The following GPHN variants were observed in gnomAD, a reference collection of about 807,000 sequenced individuals.
GPHN encodes gephyrin.
GPHN carries 17 observed loss-of-function variants against 95.5 expected under a neutral mutation model. That is an observed-to-expected ratio of 0.18 (90% CI 0.12 to 0.27). GPHN has a LOEUF of 0.27. Ranked by LOEUF, GPHN falls within the 10% of genes least tolerant of loss-of-function variation. The probability of loss-of-function intolerance (pLI) is 1.00; values close to 1 mark genes in which losing one functional copy is unlikely to be tolerated. For synonymous variants in GPHN, 320 were observed against 322.5 expected (o/e 0.99, Z 0.08); for missense variants, 660 against 978.1 (o/e 0.67, Z 4.34).
chr14:66,595,863 G>A (rs186614102), intron 1 of GPHN, among the ~76,000 whole-genome samples: 45 of 152,276 alleles, frequency 3.0e-4, no homozygotes, highest in Admixed American at 1.0e-3. Flanking sequence ...TCTTTCAGTC[G>A]TGCCGTTCCG....
the GPHN span, chr14:67,201,414 G>A: frequency 6.6e-6 from 3 of 454,272 alleles, no homozygotes; most frequent in African/African-American, 2.0e-5. Context: ...CTCTCTTTTT[G>A]CTCTGTCACC....
At chr14:67,301,537 C>A in the GPHN span, 1 of 1,049,646 alleles carries the variant, frequency 9.5e-7, no homozygotes, top group Non-Finnish European at 1.4e-6. Flanking sequence ...TCAAAGACTC[C>A]AGTACTGGAA....
At chr14:66,840,672 C>A (rs1038494181) in intron 4 of GPHN, among the ~76,000 whole-genome samples, 9 of 139,600 alleles carry the variant, frequency 6.4e-5, no homozygotes, top group Non-Finnish European at 9.1e-5. Context: ...AAATATTATT[C>A]TTCTTTTGAT....
intron 10 of GPHN, among the ~76,000 whole-genome samples, chr14:67,045,763 C>G (rs2074986818): frequency 1.3e-5 from 2 of 151,640 alleles, no homozygotes; most frequent in African/African-American, 2.4e-5. Context: ...CTCTGTCTCT[C>G]TTTCTCTGTC....
chr14:66,709,386 G>A (rs2069396586), intron 2 of GPHN: 1 of 455,936 alleles, frequency 2.2e-6, no homozygotes, highest in Non-Finnish European at 4.4e-6. Flanking sequence ...CCAGTGAATG[G>A]CTGAAACCAC....
chr14:66,581,238 A>AC (rs2140463672), intron 1 of GPHN, among the ~76,000 whole-genome samples: 1 of 151,868 alleles, frequency 6.6e-6, no homozygotes, highest in East Asian at 1.9e-4. Flanking sequence ...TAAAAAAAAA[A>AC]AAAAGATGTA....
chr14:66,814,585 C>A (rs1364651406), intron 3 of GPHN, among the ~76,000 whole-genome samples: 1 of 152,146 alleles, frequency 6.6e-6, no homozygotes, highest in Non-Finnish European at 1.5e-5. Flanking sequence ...TTGGATTCTT[C>A]CAGTCAGCTG....
the GPHN span, among the ~76,000 whole-genome samples, chr14:67,414,768 T>G: frequency 3.3e-5 from 5 of 152,256 alleles, no homozygotes; most frequent in Non-Finnish European, 7.3e-5. Flanking sequence ...TCATGGAAAC[T>G]TATTCACAAT....
At chr14:67,695,904 T>A in the GPHN span, 1 of 589,170 alleles carries the variant, frequency 1.7e-6, no homozygotes, top group African/African-American at 1.9e-5. Context: ...GAATTATACA[T>A]CGCTAATCCC....
intron 2 of GPHN, among the ~76,000 whole-genome samples, chr14:66,759,779 G>T (rs1261483265): frequency 3.3e-5 from 5 of 152,070 alleles, no homozygotes; most frequent in Non-Finnish European, 7.4e-5. Context: ...GTTGTTAGCT[G>T]GTTGTTTTGT....
At chr14:66,893,715 A>G (rs2064656588) in intron 5 of GPHN, among the ~76,000 whole-genome samples, 1 of 151,982 alleles carries the variant, frequency 6.6e-6, no homozygotes, top group African/African-American at 2.4e-5. Flanking sequence ...CTTATACACC[A>G]ATAACAGACA....
the GPHN span, among the ~76,000 whole-genome samples, chr14:67,191,053 G>A: frequency 1.3e-5 from 2 of 152,134 alleles, no homozygotes; most frequent in Non-Finnish European, 2.9e-5. Context: ...GGCCAACATG[G>A]CAAAACTTTG....
intron 5 of GPHN, among the ~76,000 whole-genome samples, chr14:66,912,188 G>C (rs1376486135): frequency 2.0e-5 from 3 of 151,956 alleles, no homozygotes; most frequent in Non-Finnish European, 4.4e-5. Flanking sequence ...ACCCACACTT[G>C]TTGTTGTTTT....
the GPHN span, among the ~76,000 whole-genome samples, chr14:67,362,358 A>C: frequency 6.6e-6 from 1 of 152,102 alleles, no homozygotes; most frequent in Non-Finnish European, 1.5e-5. Context: ...AGTGCTTAGT[A>C]CATAGTAGCT....
chr14:67,464,693 AC>A, the GPHN span, among the ~76,000 whole-genome samples: 2 of 152,158 alleles, frequency 1.3e-5, no homozygotes, highest in Non-Finnish European at 2.9e-5. Context: ...CTTCTGGCAG[AC>A]CTTTTGGGGC....
chr14:67,497,314 C>G, the GPHN span, among the ~76,000 whole-genome samples: 2 of 152,074 alleles, frequency 1.3e-5, no homozygotes, highest in African/African-American at 4.8e-5. Context: ...GACCCAGGCA[C>G]GTGGAGTTAA....
chr14:67,630,988 G>C, the GPHN span, among the ~76,000 whole-genome samples: 2 of 152,084 alleles, frequency 1.3e-5, no homozygotes, highest in African/African-American at 2.4e-5. Context: ...ACTAACACTC[G>C]GCAGTGCCCT....
chr14:67,090,124 T>C (rs147820114), intron 12 of GPHN, among the ~76,000 whole-genome samples: 116 of 152,276 alleles, frequency 7.6e-4, no homozygotes, highest in African/African-American at 2.7e-3. Context: ...AAGGTTGATA[T>C]CATTGAAGAA....
intron 4 of GPHN, among the ~76,000 whole-genome samples, chr14:66,854,870 CGTA>C (rs1335529079): frequency 1.4e-5 from 2 of 146,180 alleles, no homozygotes; most frequent in Non-Finnish European, 3.0e-5. Flanking sequence ...TCTTCTGAGA[CGTA>C]GTCTCACTCT....
Sources: allele counts gnomAD v4.1 joint callset (sites outside exome capture counted in the v4.1 genomes callset), GRCh38; gene constraint gnomAD v4.1.1; transcripts MANE v1.5; gene names NCBI Gene and HGNC (gene_info 2026-07-23, HGNC 2026-07-21).